LRMDA: variants seen among roughly 807,000 people sequenced by gnomAD.
LRMDA encodes leucine-rich melanocyte differentiation-associated protein.
In LRMDA, 18 loss-of-function variants were observed where a neutral mutation model predicts 29.8. That is an observed-to-expected ratio of 0.60 (90% CI 0.42 to 0.90). The LOEUF (loss-of-function observed/expected upper bound fraction) is 0.90. LRMDA is among the 40% of genes least tolerant of loss of function. The pLI is 0.00. For missense variants in LRMDA, 273 were observed against 273.9 expected (o/e 1.00, Z 0.02); for synonymous variants, 125 against 109.4 (o/e 1.14, Z -0.89).
At chr10:75,924,766 G>A (rs549312824) in intron 2 of LRMDA, among the ~76,000 whole-genome samples, 22 of 152,294 alleles carry the variant, frequency 1.4e-4, no homozygotes, top group South Asian at 1.0e-3. Flanking sequence ...AGAGCAGCGC[G>A]GAGAGCACAG....
chr10:75,528,305 T>C (rs1168203720), intron 2 of LRMDA, among the ~76,000 whole-genome samples: 2 of 152,204 alleles, frequency 1.3e-5, no homozygotes, highest in Non-Finnish European at 2.9e-5. Flanking sequence ...TGGAGAAAGA[T>C]TGAAAGTTTC....
chr10:75,519,000 G>A (rs1845326696), intron 2 of LRMDA, among the ~76,000 whole-genome samples: 1 of 152,172 alleles, frequency 6.6e-6, no homozygotes. Context: ...CAGTTTCCAT[G>A]TAGTTGTGGG....
chr10:75,834,634 C>T (rs892775034), intron 2 of LRMDA, among the ~76,000 whole-genome samples: 2 of 152,190 alleles, frequency 1.3e-5, no homozygotes, highest in Admixed American at 1.3e-4. Flanking sequence ...AAATATCCAA[C>T]TTTATTGCTT....
intron 2 of LRMDA, among the ~76,000 whole-genome samples, chr10:75,790,352 G>T (rs557826192): frequency 2.0e-5 from 3 of 152,290 alleles, no homozygotes; most frequent in African/African-American, 7.2e-5. Context: ...AAAATTAGAT[G>T]ATATAAAGTA....
intron 5 of LRMDA, among the ~76,000 whole-genome samples, chr10:76,271,916 T>C (rs1840072686): frequency 6.6e-6 from 1 of 152,198 alleles, no homozygotes; most frequent in Admixed American, 6.5e-5. Flanking sequence ...GAGTCCAGCC[T>C]TGGGGAATGA....
chr10:75,500,654 G>A (rs562811328), intron 2 of LRMDA, among the ~76,000 whole-genome samples: 1 of 152,166 alleles, frequency 6.6e-6, no homozygotes, highest in Non-Finnish European at 1.5e-5. Flanking sequence ...TGCATGGCTA[G>A]GGAGGCCTCA....
chr10:75,683,233 C>A (rs1842044794), intron 2 of LRMDA, among the ~76,000 whole-genome samples: 1 of 152,126 alleles, frequency 6.6e-6, no homozygotes, highest in Admixed American at 6.5e-5. Flanking sequence ...GCCAAGGCAG[C>A]ACTCACCAAA....
chr10:75,957,912 T>C (rs1269558883), intron 2 of LRMDA, among the ~76,000 whole-genome samples: 1 of 152,156 alleles, frequency 6.6e-6, no homozygotes, highest in Non-Finnish European at 1.5e-5. Context: ...ACCTCTCCCT[T>C]ACCAGACACA....
chr10:75,474,147 C>A (rs2132048005), intron 2 of LRMDA, among the ~76,000 whole-genome samples: 1 of 152,300 alleles, frequency 6.6e-6, no homozygotes, highest in East Asian at 1.9e-4. Flanking sequence ...GATTTCTTAG[C>A]CAGAATTCTT....
intron 2 of LRMDA, among the ~76,000 whole-genome samples, chr10:75,967,856 A>G (rs1010032925): frequency 3.9e-5 from 6 of 152,142 alleles, no homozygotes; most frequent in African/African-American, 1.4e-4. Context: ...CTTTCCCCAC[A>G]TCAGTGGAGA....
At chr10:75,872,532 C>T (rs1845131821) in intron 2 of LRMDA, among the ~76,000 whole-genome samples, 2 of 152,118 alleles carry the variant, frequency 1.3e-5, no homozygotes, top group South Asian at 4.1e-4. Flanking sequence ...TCTCAAACTC[C>T]TGACCTCGTG....
intron 2 of LRMDA, among the ~76,000 whole-genome samples, chr10:75,762,161 G>A (rs1014079532): frequency 1.3e-5 from 2 of 152,158 alleles, no homozygotes; most frequent in Non-Finnish European, 2.9e-5. Flanking sequence ...AAAGAAAGAG[G>A]CAGTTGTGCA....
At chr10:76,547,290 G>A (rs527285831) in intron 6 of LRMDA, among the ~76,000 whole-genome samples, 54 of 152,184 alleles carry the variant, frequency 3.5e-4, no homozygotes, top group African/African-American at 1.2e-3. Context: ...AGATTAATTA[G>A]AACAATTGAT....
chr10:75,605,649 G>A (rs1441580091), intron 2 of LRMDA, among the ~76,000 whole-genome samples: 1 of 152,158 alleles, frequency 6.6e-6, no homozygotes. Flanking sequence ...AGAGTGATTG[G>A]AATGAAAATA....
At chr10:76,204,062 GTCTCTATTCCATGTGCCTGTCCACCCA>G (rs1851487169) in intron 5 of LRMDA, among the ~76,000 whole-genome samples, 2 of 89,226 alleles carry the variant, frequency 2.2e-5, no homozygotes, top group Non-Finnish European at 4.3e-5. Context: ...CTGTCCACCC[GTCTCTATTCCATGTGCCTGTCCACCCA>G]TCTCTATTTT....
intron 2 of LRMDA, among the ~76,000 whole-genome samples, chr10:75,876,328 G>A (rs546306955): frequency 4.2e-4 from 64 of 152,300 alleles, no homozygotes; most frequent in African/African-American, 1.5e-3. Flanking sequence ...TGTCACTTGA[G>A]GGAGTGATTT....
chr10:75,687,205 G>T (rs1842093307), intron 2 of LRMDA, among the ~76,000 whole-genome samples: 1 of 152,200 alleles, frequency 6.6e-6, no homozygotes, highest in African/African-American at 2.4e-5. Flanking sequence ...AAATGATTAA[G>T]CTTGCTGAGG....
chr10:76,147,141 GT>G (rs1191516094), intron 5 of LRMDA, among the ~76,000 whole-genome samples: 12 of 152,090 alleles, frequency 7.9e-5, no homozygotes, highest in African/African-American at 2.9e-4. Context: ...TTCAACTTTG[GT>G]GAATCTGACA....
chr10:75,825,066 G>A (rs1844225951), intron 2 of LRMDA, among the ~76,000 whole-genome samples: 1 of 152,198 alleles, frequency 6.6e-6, no homozygotes, highest in African/African-American at 2.4e-5. Flanking sequence ...GGGGAATGGA[G>A]AAGACTGGAA....
Sources: allele counts gnomAD v4.1 joint callset (sites outside exome capture counted in the v4.1 genomes callset), GRCh38; gene constraint gnomAD v4.1.1; transcripts MANE v1.5; gene names NCBI Gene and HGNC (gene_info 2026-07-23, HGNC 2026-07-21).